Variants in KCNQ5 observed in about 807,000 individuals in gnomAD.
KCNQ5 encodes the protein potassium voltage-gated channel subfamily KQT member 5.
In KCNQ5, 30 loss-of-function variants were observed where a neutral mutation model predicts 98.2. That is an observed-to-expected ratio of 0.31 (90% confidence interval 0.23 to 0.41). The LOEUF (loss-of-function observed/expected upper bound fraction) is 0.41, where lower values mean the gene tolerates loss of function less well. KCNQ5 is among the 10% of genes least tolerant of loss of function. The probability of loss-of-function intolerance (pLI) is 1.00; values close to 1 mark genes in which losing one functional copy is unlikely to be tolerated. For synonymous variants in KCNQ5, 458 were observed against 449.4 expected, an observed-to-expected ratio of 1.02 and a Z score of -0.24; for missense variants, 835 against 1,182.5, an observed-to-expected ratio of 0.71 and a Z score of 4.31.
At chr6:72,856,564 G>A (rs1184961329) in intron 1 of KCNQ5, among the ~76,000 whole-genome samples, 1 of 151,930 alleles carries the variant, frequency 6.6e-6, no homozygotes, top group Non-Finnish European at 1.5e-5. Context: ...TATGGTATGA[G>A]CTCTTTCCTT....
intron 1 of KCNQ5, among the ~76,000 whole-genome samples, chr6:72,910,774 G>A (rs1232661014): frequency 6.6e-6 from 1 of 152,042 alleles, no homozygotes; most frequent in Non-Finnish European, 1.5e-5. Flanking sequence ...AGTGAACATA[G>A]GTATCAATTT....
At chr6:72,893,184 T>G (rs1002374036) in intron 1 of KCNQ5, among the ~76,000 whole-genome samples, 7 of 152,164 alleles carry the variant, frequency 4.6e-5, no homozygotes, top group Non-Finnish European at 7.3e-5. Context: ...TGGCAAGCAG[T>G]GTGGGCCAGC....
rs1210421831 is a variant in KCNQ5 at position 73,194,664 on chromosome 6, C to T, written c.2049C>T (p.Asn683=). 3 of 1,614,272 alleles carry T rather than the reference C, an allele frequency of 1.9e-6. No homozygotes were observed. Among genetic ancestry groups the T allele is most frequent in the Non-Finnish European group, 2.5e-6 (3 of 1,180,052 alleles). Residue 683 remains asparagine (N), a synonymous_variant, in exon 14 of 14, where the codon AAC becomes AAT. Coordinates refer to ENST00000370398, the MANE Select transcript of KCNQ5 (RefSeq NM_019842.4). ...GCTTATCCAGATCAACTAGTGCCAA[C>T]ATCTCGAGAGGCCTGCAGTTCATTC... is the stretch of plus-strand genomic sequence containing the variant. The part of the protein sequence containing the change: ...SGCLSRSTSA[N]ISRGLQFILT...
At chr6:72,867,027 CAT>C (rs1451573485) in intron 1 of KCNQ5, among the ~76,000 whole-genome samples, 1 of 152,122 alleles carries the variant, frequency 6.6e-6, no homozygotes, top group Non-Finnish European at 1.5e-5. Context: ...CTGATATAGG[CAT>C]ATATTGGATA....
At chr6:72,932,989 G>T (rs1227396800) in intron 1 of KCNQ5, among the ~76,000 whole-genome samples, 1 of 152,082 alleles carries the variant, frequency 6.6e-6, no homozygotes, top group African/African-American at 2.4e-5. Flanking sequence ...TCTGCCAATT[G>T]ACTATGATTT....
intron 5 of KCNQ5, among the ~76,000 whole-genome samples, chr6:73,097,142 C>CATATATATATATATATAT (rs70994161): frequency 0.36 from 43,842 of 120,926 alleles, 10,211 homozygotes; most frequent in South Asian, 0.52. Flanking sequence ...CAATAGATCT[C>CATATATATATATATATAT]ATATATATAT....
At chr6:72,807,239 T>C (rs1200197775) in intron 1 of KCNQ5, among the ~76,000 whole-genome samples, 1 of 152,170 alleles carries the variant, frequency 6.6e-6, no homozygotes. Context: ...AGTCATACCA[T>C]AGGGCTTAGT....
chr6:72,648,861 G>C (rs907101829), intron 1 of KCNQ5, among the ~76,000 whole-genome samples: 2 of 151,622 alleles, frequency 1.3e-5, no homozygotes, highest in African/African-American at 2.4e-5. Context: ...TGTTTATGTG[G>C]AGACACATTC....
At chr6:73,013,418 A>G (rs1770172633) in intron 2 of KCNQ5, among the ~76,000 whole-genome samples, 1 of 152,112 alleles carries the variant, frequency 6.6e-6, no homozygotes, top group African/African-American at 2.4e-5. Flanking sequence ...AAAATTTGTG[A>G]ACTCAAGAAC....
chr6:72,809,605 A>C (rs1018807445), intron 1 of KCNQ5, among the ~76,000 whole-genome samples: 9 of 152,168 alleles, frequency 5.9e-5, no homozygotes, highest in African/African-American at 2.2e-4. Context: ...TTGACTAGGT[A>C]AAACCTTGCA....
chr6:73,183,046 C>G (rs996003291), intron 11 of KCNQ5, among the ~76,000 whole-genome samples: 4 of 152,092 alleles, frequency 2.6e-5, no homozygotes, highest in South Asian at 2.1e-4. Context: ...AGTATGGGAT[C>G]CCCTCTGGAA....
At chr6:73,031,567 G>A (rs1451576233) in intron 2 of KCNQ5, among the ~76,000 whole-genome samples, 4 of 152,186 alleles carry the variant, frequency 2.6e-5, no homozygotes, top group Non-Finnish European at 2.9e-5. Context: ...AAGCAGAGGG[G>A]CTACGACAAT....
At chr6:72,632,249 C>T (rs1359453542) in intron 1 of KCNQ5, among the ~76,000 whole-genome samples, 6 of 151,544 alleles carry the variant, frequency 4.0e-5, no homozygotes, top group South Asian at 2.1e-4. Flanking sequence ...ACCATTCTCC[C>T]GCCTCAGCCT....
At chr6:72,766,476 G>A (rs1049229945) in intron 1 of KCNQ5, among the ~76,000 whole-genome samples, 1 of 151,998 alleles carries the variant, frequency 6.6e-6, no homozygotes, top group Non-Finnish European at 1.5e-5. Context: ...GGATATGGCG[G>A]TACTAGAAAG....
At chr6:72,803,788 G>A (rs1014295116) in intron 1 of KCNQ5, among the ~76,000 whole-genome samples, 1 of 152,028 alleles carries the variant, frequency 6.6e-6, no homozygotes, top group East Asian at 1.9e-4. Context: ...TTTTCCTGAA[G>A]TGGCTTTTCA....
chr6:72,868,508 C>G (rs1002114040), intron 1 of KCNQ5, among the ~76,000 whole-genome samples: 1 of 152,164 alleles, frequency 6.6e-6, no homozygotes, highest in African/African-American at 2.4e-5. Context: ...AATTCTGGCA[C>G]TGGCAGTGGT....
At position 72,931,817 on chromosome 6, in the gene KCNQ5, C is replaced by T. The variant is rs182836031; in HGVS notation, c.399-72091C>T. ...TCACACTTTGGCAAAAATTGGAGGA[C>T]GATTCTCTGGAAGGCCTGCCAGAGA... On this transcript the variant is annotated intron_variant, in intron 1 of 13. Transcript: ENST00000370398. 1.8e-4 allele frequency among the ~76,000 whole-genome samples: 28 copies of T among 152,192 alleles called. No homozygotes were observed. The East Asian group carries it at 1.9e-3, about 11-fold the overall frequency.
intron 1 of KCNQ5, among the ~76,000 whole-genome samples, chr6:72,816,740 A>T (rs1486524816): frequency 2.0e-5 from 3 of 152,208 alleles, no homozygotes; most frequent in African/African-American, 4.8e-5. Flanking sequence ...TCACCCATGG[A>T]TGTGGCCTGT....
At chr6:73,123,753 G>C (rs547678854) in intron 8 of KCNQ5, among the ~76,000 whole-genome samples, 14 of 152,272 alleles carry the variant, frequency 9.2e-5, no homozygotes, top group Admixed American at 2.6e-4. Context: ...GAATTATCAA[G>C]CTCCAAAAAC....
Sources: gnomAD v4.1 joint callset for allele counts (sites outside exome capture counted in the v4.1 genomes callset) on GRCh38, gnomAD v4.1.1 for gene constraint, MANE v1.5 for transcripts, NCBI Gene and HGNC (gene_info 2026-07-23, HGNC 2026-07-21) for gene names.